Variants in LIMCH1 observed in about 807,000 individuals in gnomAD.
LIMCH1 encodes LIM and calponin homology domains 1, also known as LIM and calponin homology domains-containing protein 1.
LIMCH1 carries 113 observed loss-of-function variants against 176.5 expected under a neutral mutation model. The ratio of observed to expected loss-of-function variants is 0.64; its 90% CI spans 0.55 to 0.75. The LOEUF (loss-of-function observed/expected upper bound fraction) is 0.75, where lower values mean the gene tolerates loss of function less well. LIMCH1 is among the 30% of genes least tolerant of loss of function. The pLI is 0.00. For synonymous variants in LIMCH1, 619 were observed against 645.9 expected, an observed-to-expected ratio of 0.96 and a Z score of 0.63; for missense variants, 1,674 against 1,814.9, an observed-to-expected ratio of 0.92 and a Z score of 1.41.
chr4:41,567,207 C>T (rs1038051220), intron 1 of LIMCH1, among the ~76,000 whole-genome samples: 4 of 152,190 alleles, frequency 2.6e-5, no homozygotes, highest in African/African-American at 9.7e-5. Context: ...ACTTGCTGTG[C>T]ATACATGCTG....
rs543735737 is a variant in LIMCH1, at chr4:41,658,513, A to G, written c.3037-2907A>G. On this transcript the variant is annotated intron_variant, in intron 18 of 31. Coordinates refer to ENST00000503057, the MANE Select transcript of LIMCH1 (RefSeq NM_001330672.2). ...ATGCTGGTACAATAAGCCTTAGTGAAGTAGTTAGTGCTTGAGCACCCCATC... is the reference window on the plus strand; with the variant it reads ...ATGCTGGTACAATAAGCCTTAGTGAGGTAGTTAGTGCTTGAGCACCCCATC... Among the ~76,000 whole-genome samples the G allele has an allele frequency of 3.0e-4, 46 of 152,300 alleles. 1 individual carries two copies. The highest frequency in any genetic ancestry group is 1.1e-3 in the African/African-American group (46 of 41,578).
Position 41,540,694 on chromosome 4 carries a change from G to A in LIMCH1, c.-241+2344G>A, listed in dbSNP as rs561928766. Among the ~76,000 whole-genome samples the A allele has an allele frequency of 1.8e-3, 269 of 152,118 alleles. 3 individuals carry two copies. The highest frequency in any genetic ancestry group is 5.9e-3 in the African/African-American group (244 of 41,500). ...GTGGAGGTTACAGTGAGCTGAGATC[G>A]CACCACTGCACTCTAGCCTGAAAAG... On this transcript the variant is annotated intron_variant, in intron 1 of 31. Coordinates refer to ENST00000503057, the MANE Select transcript of LIMCH1 (RefSeq NM_001330672.2).
At chr4:41,426,822 G>C (rs6842287) in intron 1 of LIMCH1, among the ~76,000 whole-genome samples, 1 of 152,222 alleles carries the variant, frequency 6.6e-6, no homozygotes, top group Non-Finnish European at 1.5e-5. Flanking sequence ...GTTTACAGTT[G>C]ACGTGGGTTT....
intron 3 of LIMCH1, among the ~76,000 whole-genome samples, chr4:41,530,380 G>A (rs7661263): frequency 0.3 from 46,217 of 151,998 alleles, 7,750 homozygotes; most frequent in South Asian, 0.47. Context: ...GCTCTGGTGT[G>A]CCTCAACTCA....
At chr4:41,503,317 C>T (rs749277793) in intron 2 of LIMCH1, among the ~76,000 whole-genome samples, 5 of 152,054 alleles carry the variant, frequency 3.3e-5, no homozygotes, top group Non-Finnish European at 5.9e-5. Context: ...GTAGCATGGG[C>T]GCTCTCCACA....
intron 22 of LIMCH1, 109 bp from the exon 23 acceptor site, chr4:41,676,273 C>A: frequency 1.4e-6 from 1 of 728,698 alleles, no homozygotes. Context: ...CCTTCTGCTC[C>A]TGTGTGTCAA....
chr4:41,454,976 GTGTT>G (rs1197479298), intron 1 of LIMCH1, among the ~76,000 whole-genome samples: 6 of 147,588 alleles, frequency 4.1e-5, no homozygotes, highest in Admixed American at 2.0e-4. Flanking sequence ...GTGTGTGTGT[GTGTT>G]TGTGTGGTCA....
Position 41,435,549 on chromosome 4 carries a change from T to G in LIMCH1, c.97-58987T>G, listed in dbSNP as rs150795758. Among the ~76,000 whole-genome samples the G allele has an allele frequency of 3.8e-3, 578 of 152,326 alleles. 8 individuals carry two copies. Among genetic ancestry groups the G allele is most frequent in the East Asian group, 3.1e-3 (16 of 5,186 alleles). ...CCCTTCTTGTCCTAAACCAGTCACT[T>G]AGAAACATTGAAGCTACAATTTCTT... On this transcript the variant is annotated intron_variant, in intron 1 of 26. Transcript: ENST00000313860.
intron 1 of LIMCH1, among the ~76,000 whole-genome samples, chr4:41,418,549 G>T (rs369020492): frequency 6.6e-6 from 1 of 152,118 alleles, no homozygotes; most frequent in African/African-American, 2.4e-5. Context: ...AGAGAAGCAG[G>T]CTGCCGCTCC....
intron 1 of LIMCH1, among the ~76,000 whole-genome samples, chr4:41,593,185 G>GTATAA (rs2087986294): frequency 6.6e-6 from 1 of 152,162 alleles, no homozygotes; most frequent in African/African-American, 2.4e-5. Flanking sequence ...TAGCCCTTGG[G>GTATAA]AAATGTTTTT....
intron 8 of LIMCH1, among the ~76,000 whole-genome samples, chr4:41,628,031 A>C (rs1265561024): frequency 6.6e-6 from 1 of 152,182 alleles, no homozygotes; most frequent in Non-Finnish European, 1.5e-5. Context: ...CTGGATATAG[A>C]ACAGGGATTC....
At chr4:41,454,493 A>G (rs1199852539) in intron 1 of LIMCH1, among the ~76,000 whole-genome samples, 2 of 151,482 alleles carry the variant, frequency 1.3e-5, no homozygotes, top group African/African-American at 4.9e-5. Flanking sequence ...GAGAATGTGC[A>G]TCTGGGAGCT....
chr4:41,640,600 G>A (rs6848577), intron 14 of LIMCH1, among the ~76,000 whole-genome samples: 59,641 of 152,056 alleles, frequency 0.39, 11,940 homozygotes, highest in South Asian at 0.45. Flanking sequence ...CCAAAGTGCT[G>A]AGTTTCCTGC....
intron 3 of LIMCH1, among the ~76,000 whole-genome samples, chr4:41,531,515 CATACACA>C (rs2077306825): frequency 1.9e-5 from 2 of 105,774 alleles, no homozygotes; most frequent in Admixed American, 8.8e-5. Flanking sequence ...CACACACACA[CATACACA>C]CCTTATACTT....
chr4:41,389,565 A>G (rs1273004409), intron 1 of LIMCH1: 1 of 155,532 alleles, frequency 6.4e-6, no homozygotes, highest in Non-Finnish European at 1.4e-5. Context: ...GACATCAACA[A>G]TGACATGGTG....
chr4:41,512,455 T>C (rs1282038600), intron 2 of LIMCH1, among the ~76,000 whole-genome samples: 1 of 152,248 alleles, frequency 6.6e-6, no homozygotes, highest in Non-Finnish European at 1.5e-5. Flanking sequence ...TGTACTCAAA[T>C]GTTCATAGCA....
intron 1 of LIMCH1, among the ~76,000 whole-genome samples, chr4:41,410,933 A>G (rs764684175): frequency 6.6e-5 from 10 of 152,204 alleles, no homozygotes; most frequent in Non-Finnish European, 1.5e-4. Context: ...CCATCCGGAT[A>G]AATGAACTCC....
intron 1 of LIMCH1, among the ~76,000 whole-genome samples, chr4:41,591,271 T>G (rs953651494): frequency 1.3e-5 from 2 of 152,128 alleles, no homozygotes; most frequent in Admixed American, 1.3e-4. Flanking sequence ...TGCCAAGGTC[T>G]TGCTTTGTTA....
chr4:41,533,172 A>C (rs966725521), upstream of LIMCH1, among the ~76,000 whole-genome samples: 1 of 152,206 alleles, frequency 6.6e-6, no homozygotes, highest in African/African-American at 2.4e-5. Flanking sequence ...CCTGAGAAAG[A>C]AAGAAAGAGA....
Sources: allele counts gnomAD v4.1 joint callset (sites outside exome capture counted in the v4.1 genomes callset), GRCh38; gene constraint gnomAD v4.1.1; transcripts MANE v1.5; gene names NCBI Gene and HGNC (gene_info 2026-07-23, HGNC 2026-07-21).